Variants in TTC6 observed in about 807,000 individuals in gnomAD.
TTC6 encodes tetratricopeptide repeat protein 6.
TTC6 carries 172 observed loss-of-function variants against 210.4 expected under a neutral mutation model. The observed-to-expected ratio is 0.82, with a 90% CI of 0.72 to 0.93. TTC6 has a LOEUF of 0.93. Ranked by LOEUF, TTC6 falls within the 40% of genes least tolerant of loss-of-function variation. TTC6 has a pLI of 0.00. For synonymous variants in TTC6, 804 were observed against 819.6 expected, an observed-to-expected ratio of 0.98 and a Z score of 0.32; for missense variants, 2,414 against 2,318.1, an observed-to-expected ratio of 1.04 and a Z score of -0.85.
Position 37,636,362 on chromosome 14 carries a change from T to A in TTC6, c.939+13359T>A, listed in dbSNP as rs530404926. 1.1e-3 allele frequency among the ~76,000 whole-genome samples: 166 copies of A among 152,284 alleles called. 2 individuals are homozygous for A. In the Middle Eastern group the frequency reaches 0.068, roughly 62 times the overall value. On this transcript the variant is annotated intron_variant, in intron 1 of 30. Coordinates refer to ENST00000553443, the Ensembl canonical transcript of TTC6. ...GTGGATCATATACTAAGATGGACCATATCTTGGGCCATAAAATGAACCTTA... is the reference window on the plus strand; with the variant it reads ...GTGGATCATATACTAAGATGGACCAAATCTTGGGCCATAAAATGAACCTTA...
At chr14:37,796,793 G>A (rs1412090532) in exon 20 of TTC6, 1 of 1,596,764 alleles carries the variant, frequency 6.3e-7, no homozygotes, top group East Asian at 2.3e-5. Flanking sequence ...TTAGGTCTCA[G>A]TGAGTTGAGT....
At chr14:37,749,579 G>T in intron 11 of TTC6, 135 bp from the exon 14 acceptor site, 4 of 1,029,536 alleles carry the variant, frequency 3.9e-6, no homozygotes, top group Non-Finnish European at 5.1e-6. Flanking sequence ...ATTTTTGTTT[G>T]TCAGATTGGG....
intron 2 of TTC6, among the ~76,000 whole-genome samples, chr14:37,682,437 TTGG>T (rs2095785901): frequency 7.2e-6 from 1 of 138,858 alleles, no homozygotes; most frequent in Admixed American, 7.1e-5. Context: ...ATTAAATTTC[TTGG>T]TCTAGCTATA....
intron 13 of TTC6, among the ~76,000 whole-genome samples, 178 bp downstream of exon 15, chr14:37,751,403 T>C (rs2095951527): frequency 6.6e-6 from 1 of 152,136 alleles, no homozygotes; most frequent in Admixed American, 6.6e-5. Context: ...ACTATGTTAA[T>C]TATTATTTTT....
At chr14:37,622,278 A>T (rs1470258905) in exon 1 of TTC6, 21 of 1,534,716 alleles carry the variant, frequency 1.4e-5, no homozygotes, top group Non-Finnish European at 1.8e-5. Context: ...CGCAGCCCGG[A>T]CGTCGAGAAG....
intron 1 of TTC6, among the ~76,000 whole-genome samples, chr14:37,601,546 C>G (rs932820678): frequency 6.6e-6 from 1 of 152,104 alleles, no homozygotes; most frequent in Non-Finnish European, 1.5e-5. Context: ...CAGCTAGGTG[C>G]ACTAGGAAAA....
chr14:37,611,531 GCT>G (rs2095634516), intron 2 of TTC6, among the ~76,000 whole-genome samples: 1 of 152,182 alleles, frequency 6.6e-6, no homozygotes, highest in South Asian at 2.1e-4. Flanking sequence ...GGGCACTGGG[GCT>G]GGAGTTTGGG....
chr14:37,803,535 A>C (rs2096111735), intron 20 of TTC6, among the ~76,000 whole-genome samples: 1 of 152,124 alleles, frequency 6.6e-6, no homozygotes. Flanking sequence ...ATTTTAATTT[A>C]AATGGGTTGG....
At chr14:37,712,149 G>A (rs1271979828) in intron 5 of TTC6, among the ~76,000 whole-genome samples, 3 of 152,196 alleles carry the variant, frequency 2.0e-5, no homozygotes, top group East Asian at 1.9e-4. Flanking sequence ...TAGAATGTCC[G>A]ATGACCTTCA....
At chr14:37,642,078 A>G (rs868453111) in intron 1 of TTC6, among the ~76,000 whole-genome samples, 1 of 152,202 alleles carries the variant, frequency 6.6e-6, no homozygotes, top group African/African-American at 2.4e-5. Flanking sequence ...TTAAAGACCT[A>G]GATGCTCAGG....
At chr14:37,815,898 A>G (rs771214195) in intron 25 of TTC6, among the ~76,000 whole-genome samples, 19 of 152,086 alleles carry the variant, frequency 1.2e-4, no homozygotes, top group Non-Finnish European at 1.6e-4. Context: ...GATTATATAT[A>G]GAGAGTCAAG....
At chr14:37,711,323 A>G (rs2095844419) in intron 5 of TTC6, among the ~76,000 whole-genome samples, 1 of 152,184 alleles carries the variant, frequency 6.6e-6, no homozygotes, top group African/African-American at 2.4e-5. Flanking sequence ...TGAAAAAGGC[A>G]TACGGAATAG....
chr14:37,607,338 A>G (rs1247584473), intron 2 of TTC6, among the ~76,000 whole-genome samples: 1 of 152,216 alleles, frequency 6.6e-6, no homozygotes, highest in Non-Finnish European at 1.5e-5. Flanking sequence ...TCTCTAGAAC[A>G]TTAAGTCTAG....
chr14:37,649,141 C>T (rs1370040124), intron 1 of TTC6, among the ~76,000 whole-genome samples: 2 of 152,110 alleles, frequency 1.3e-5, no homozygotes, highest in East Asian at 1.9e-4. Context: ...TCTAAATTGC[C>T]CCTGTTCCAA....
chr14:37,743,737 C>A (rs2095927933), intron 10 of TTC6, among the ~76,000 whole-genome samples: 1 of 152,088 alleles, frequency 6.6e-6, no homozygotes, highest in Admixed American at 6.5e-5. Flanking sequence ...TTTAGAGGAC[C>A]CCTCATTCAA....
exon 16 of TTC6, chr14:37,790,733 C>G: frequency 6.5e-7 from 1 of 1,533,396 alleles, no homozygotes. Flanking sequence ...TAAATGATGG[C>G]TATGAGAATC....
At chr14:37,664,663 A>G (rs1179049085) in intron 1 of TTC6, among the ~76,000 whole-genome samples, 1 of 150,710 alleles carries the variant, frequency 6.6e-6, no homozygotes, top group African/African-American at 2.4e-5. Flanking sequence ...GATCTAATTA[A>G]ACTAAACAGC....
intron 20 of TTC6, among the ~76,000 whole-genome samples, chr14:37,804,190 TA>T (rs2096113248): frequency 6.6e-6 from 1 of 152,218 alleles, no homozygotes. Flanking sequence ...GGAGGTAGTT[TA>T]TTTTTTTGGT....
rs1434951792 is a variant in TTC6, at chr14:37,622,150, C to CT, written c.87dup (p.Lys30Ter). On this transcript the variant is annotated frameshift_variant, in exon 1 of 31. Coordinates refer to ENST00000553443, the Ensembl canonical transcript of TTC6. LOFTEE classifies it high-confidence loss of function. Reference sequence around the variant, plus strand: ...GAGCTTGAGAAAGTTCGGCAGGAAACTAAAAAGGATTTTCTCCGATTCAAG... The same window carrying CT: ...GAGCTTGAGAAAGTTCGGCAGGAAACTTAAAAAGGATTTTCTCCGATTCAAG... The CT allele has an allele frequency of 6.5e-7, 1 of 1,535,370 alleles. No homozygotes were observed. The highest frequency in any genetic ancestry group is 1.4e-5 in the African/African-American group (1 of 72,960).
Sources: gnomAD v4.1 joint callset for allele counts (sites outside exome capture counted in the v4.1 genomes callset) on GRCh38, gnomAD v4.1.1 for gene constraint, MANE v1.5 for transcripts, NCBI Gene and HGNC (gene_info 2026-07-23, HGNC 2026-07-21) for gene names.